Variants in ZC3H4 observed in about 807,000 individuals in gnomAD.
The protein encoded by ZC3H4 is zinc finger CCCH domain-containing protein 4.
Under a neutral mutation model 108.3 loss-of-function variants are expected in ZC3H4, and 13 were observed. The ratio of observed to expected loss-of-function variants is 0.12; its 90% CI spans 0.08 to 0.19. ZC3H4 has a LOEUF of 0.19. ZC3H4 is among the 10% of genes least tolerant of loss of function. The probability of loss-of-function intolerance (pLI) is 1.00; values close to 1 mark genes in which losing one functional copy is unlikely to be tolerated. For synonymous variants in ZC3H4, 917 were observed against 749.6 expected (o/e 1.22, Z -3.65); for missense variants, 1,734 against 1,838.8 (o/e 0.94, Z 1.04).
At chr19:47,111,736 C>G (rs1183294182) in intron 2 of ZC3H4, among the ~76,000 whole-genome samples, 1 of 151,594 alleles carries the variant, frequency 6.6e-6, no homozygotes, top group Non-Finnish European at 1.5e-5. Flanking sequence ...AAAAACACCC[C>G]CCGCCAAAAA....
Position 47,104,295 on chromosome 19 carries a change from C to G in ZC3H4, c.161+8129G>C, listed in dbSNP as rs563442287. Reference sequence around the variant, plus strand: ...GATCATGCCATTGCACTCCAGCCTACGTGACAGAGTAAGACTCTGTCTAAA... The same window carrying G: ...GATCATGCCATTGCACTCCAGCCTAGGTGACAGAGTAAGACTCTGTCTAAA... On this transcript the variant is annotated intron_variant, in intron 2 of 14. Transcript: ENST00000253048. Among the ~76,000 whole-genome samples the G allele has an allele frequency of 5.9e-5, 9 of 152,208 alleles. No individual in the cohort carries two copies. The East Asian group carries it at 1.7e-3, about 29-fold the overall frequency.
In ZC3H4 at chr19:47,071,959, G is replaced by C. The variant is rs2057334081; in HGVS notation, c.1965C>G (p.Gly655=). 1 of 1,612,686 alleles carries C rather than the reference G, an allele frequency of 6.2e-7. No individual in the cohort carries two copies. The highest frequency in any genetic ancestry group is 1.7e-5 in the Admixed American group (1 of 59,646). ...TGGGTGGGCCAGGATTCATGCCAGG[G>C]CCCATCGGCATGTCTGCGTGCATGT... The part of the protein sequence containing the change: ...HADMHADMPM[G]PGMNPGPPMG... The change falls in exon 13 of 15, where the codon GGC becomes GGG. Residue 655 remains glycine, a synonymous_variant. Transcript: ENST00000253048.
At chr19:47,108,345 A>G (rs2057993371) in intron 2 of ZC3H4, among the ~76,000 whole-genome samples, 1 of 152,172 alleles carries the variant, frequency 6.6e-6, no homozygotes. Flanking sequence ...GGAGACCTGG[A>G]AATAGTTTCA....
chr19:47,067,777 G>A lies in ZC3H4; in HGVS notation c.2491C>T (p.Arg831Ter). 1 of 1,609,452 alleles carries A rather than the reference G, an allele frequency of 6.2e-7. No homozygotes were observed. Among genetic ancestry groups the A allele is most frequent in the Non-Finnish European group, 8.5e-7 (1 of 1,178,714 alleles). ...LKTLRQQTSS[R>*]PPASVGELSS... Reference sequence around the variant, plus strand: ...AGCTCCCCAACTGAAGCCGGGGGTCGGCTGGACGTCTGCTGCCTCAAGGTC... The same window carrying A: ...AGCTCCCCAACTGAAGCCGGGGGTCAGCTGGACGTCTGCTGCCTCAAGGTC... Residue 831 changes from arginine (R) to a stop codon, truncating the protein, a stop_gained, in exon 15 of 15, where the codon CGA becomes TGA. Coordinates refer to ENST00000253048, the MANE Select transcript of ZC3H4 (RefSeq NM_015168.2). LOFTEE classifies it low-confidence loss of function (END_TRUNC). The surrounding 1 kb of genome is among the most constrained non-coding windows in gnomAD (Gnocchi z 6.4).
chr19:47,090,642 G>A (rs1472204728), intron 4 of ZC3H4, among the ~76,000 whole-genome samples: 3 of 152,226 alleles, frequency 2.0e-5, no homozygotes, highest in East Asian at 3.9e-4. Flanking sequence ...AATGCCAAGT[G>A]GTACTAGAAG....
intron 2 of ZC3H4, among the ~76,000 whole-genome samples, chr19:47,106,859 GAGTGAAGA>G (rs1235622824): frequency 1.3e-5 from 2 of 152,202 alleles, no homozygotes; most frequent in African/African-American, 4.8e-5. Flanking sequence ...GATCCCAAAG[GAGTGAAGA>G]ATCCTGGAGC....
Position 47,066,241 on chromosome 19 carries a change from A to T in ZC3H4, c.*115T>A. ...AAGAGACGGAAAGCAAAAGAAAAAG[A>T]AAAGAAAAAAGGAACACCCAGCCTG... On this transcript the variant is annotated 3_prime_UTR_variant, in exon 15 of 15. Transcript: ENST00000253048. 1 of 770,018 alleles carries T rather than the reference A, an allele frequency of 1.3e-6. No individual in the cohort carries two copies. The allele number at this position is 770,018 out of a possible 1,614,324, so 47.7% of individuals were successfully genotyped here.
intron 4 of ZC3H4, chr19:47,093,767 G>C: frequency 2.1e-6 from 1 of 470,080 alleles, no homozygotes; most frequent in Non-Finnish European, 3.8e-6. Context: ...TTTTTTGTGG[G>C]GTCTCACTTG....
intron 6 of ZC3H4, 47 bp downstream of exon 6, chr19:47,086,337 G>T (rs760591792): frequency 6.2e-7 from 1 of 1,607,454 alleles, no homozygotes; most frequent in Non-Finnish European, 8.5e-7. Flanking sequence ...GCCCCGGAAA[G>T]CCCACCAGCC....
intron 6 of ZC3H4, 51 bp downstream of exon 6, chr19:47,086,333 G>T: frequency 6.2e-7 from 1 of 1,606,350 alleles, no homozygotes. Context: ...TCACGCCCCG[G>T]AAAGCCCACC....
chr19:47,076,559 AAACTCATAG>A (rs1389305523), intron 11 of ZC3H4, among the ~76,000 whole-genome samples: 1 of 152,212 alleles, frequency 6.6e-6, no homozygotes, highest in Non-Finnish European at 1.5e-5. Flanking sequence ...GTGTTTGTCA[AAACTCATAG>A]AACCAGGCCA....
At chr19:47,086,156 C>T (rs558747271) in intron 6 of ZC3H4, among the ~76,000 whole-genome samples, 3 of 152,286 alleles carry the variant, frequency 2.0e-5, no homozygotes, top group African/African-American at 4.8e-5. Flanking sequence ...TGTGAGCCAC[C>T]GCGCCCAGCC....
chr19:47,103,198 A>C (rs1403132954), intron 2 of ZC3H4, among the ~76,000 whole-genome samples: 1 of 152,232 alleles, frequency 6.6e-6, no homozygotes, highest in Non-Finnish European at 1.5e-5. Context: ...AGATGGTTTA[A>C]AGCTGCAAAG....
chr19:47,102,363 A>G (rs1440053773), intron 2 of ZC3H4, among the ~76,000 whole-genome samples: 1 of 152,282 alleles, frequency 6.6e-6, no homozygotes, highest in Non-Finnish European at 1.5e-5. Flanking sequence ...CTGACAAAAC[A>G]ACGCCCACCC....
At position 47,073,116 on chromosome 19, in the gene ZC3H4, T is replaced by TA. The variant is rs201736492; in HGVS notation, c.1441-404dup. Among the ~76,000 whole-genome samples, 503 of 151,582 alleles carry TA rather than the reference T, an allele frequency of 3.3e-3. 15 individuals carry two copies. The East Asian group carries it at 0.059, about 18-fold the overall frequency. The stretch of plus-strand genomic sequence containing the variant: ...GGCAAAACCCCATCTCTACTAAAAA[T>TA]ACAAAAATTAGCCAGGCATGGTAGT... On this transcript the variant is annotated intron_variant, in intron 11 of 14. Coordinates refer to ENST00000253048, the MANE Select transcript of ZC3H4 (RefSeq NM_015168.2).
chr19:47,107,657 GAAAAAAA>G (rs1157842797), intron 2 of ZC3H4, among the ~76,000 whole-genome samples: 1 of 90,270 alleles, frequency 1.1e-5, no homozygotes, highest in Non-Finnish European at 2.5e-5. Flanking sequence ...GTTCTGTTAA[GAAAAAAA>G]AAAAAAAAAA....
chr19:47,073,326 T>C (rs1375426720), intron 11 of ZC3H4, among the ~76,000 whole-genome samples: 1 of 151,770 alleles, frequency 6.6e-6, no homozygotes, highest in East Asian at 1.9e-4. Context: ...TCCCAGCACT[T>C]TGGCAGGCTG....
chr19:47,112,625 G>T (rs1483461491), intron 1 of ZC3H4, 36 bp from the exon 2 acceptor site: 1 of 1,217,860 alleles, frequency 8.2e-7, no homozygotes, highest in Non-Finnish European at 1.0e-6. Flanking sequence ...CACGAAAAAG[G>T]ACTGCTTGGG....
chr19:47,087,668 C>T (rs1370399707), intron 5 of ZC3H4, among the ~76,000 whole-genome samples: 1 of 151,784 alleles, frequency 6.6e-6, no homozygotes, highest in African/African-American at 2.4e-5. Context: ...TGCCCGAGCT[C>T]AGGAGTTCAA....
Sources: gnomAD v4.1 joint callset for allele counts (sites outside exome capture counted in the v4.1 genomes callset) on GRCh38, gnomAD v4.1.1 for gene constraint, Gnocchi (gnomAD v3.1) non-coding constraint, MANE v1.5 for transcripts, NCBI Gene and HGNC (gene_info 2026-07-23, HGNC 2026-07-21) for gene names.